Variants in RGSL1 observed in about 807,000 individuals in gnomAD.
The protein encoded by RGSL1 is regulator of G protein signaling like 1.
RGSL1 carries 97 observed loss-of-function variants against 124.7 expected under a neutral mutation model. That is an observed-to-expected ratio of 0.78 (90% confidence interval 0.66 to 0.92). The LOEUF (loss-of-function observed/expected upper bound fraction) is 0.92. Among genes scored for constraint, RGSL1 ranks in the 40% least tolerant of loss-of-function variants. RGSL1 has a pLI of 0.00. For missense variants in RGSL1, 1,233 were observed against 1,288.4 expected, an observed-to-expected ratio of 0.96 and a Z score of 0.66; for synonymous variants, 424 against 438.1, an observed-to-expected ratio of 0.97 and a Z score of 0.40.
chr1:182,484,428 G>A (rs1349240464), intron 6 of RGSL1, among the ~76,000 whole-genome samples: 2 of 152,152 alleles, frequency 1.3e-5, no homozygotes, highest in African/African-American at 4.8e-5. Context: ...AATCAAGCAT[G>A]AGAATATGTG....
Position 182,510,223 on chromosome 1 carries a change from C to A in RGSL1, c.1826-11781C>A, listed in dbSNP as rs1464549595. On this transcript the variant is annotated intron_variant, in intron 9 of 21. Coordinates refer to ENST00000294854, the MANE Select transcript of RGSL1 (RefSeq NM_001137669.2). Reference sequence around the variant, plus strand: ...GGCAGCCAGGCAGAGGGTCTCCTCACATCCCAGACGATGGGCGGCCAGGCA... The same window carrying A: ...GGCAGCCAGGCAGAGGGTCTCCTCAAATCCCAGACGATGGGCGGCCAGGCA... Among the ~76,000 whole-genome samples, 3 of 34,372 alleles carry A rather than the reference C, an allele frequency of 8.7e-5. 1 individual carries two copies. The highest frequency in any genetic ancestry group is 4.3e-4 in the African/African-American group (3 of 7,044). 22.5% of individuals were successfully genotyped at this position (34,372 alleles called of 152,430 possible).
At chr1:182,551,297 C>A in intron 18 of RGSL1, 88 bp downstream of exon 18, 2 of 1,067,074 alleles carry the variant, frequency 1.9e-6, no homozygotes, top group Non-Finnish European at 2.8e-6. Flanking sequence ...AAATTCAAGA[C>A]TTCCTTGAGG....
At chr1:182,496,800 T>C (rs956437218) in intron 9 of RGSL1, among the ~76,000 whole-genome samples, 1 of 152,216 alleles carries the variant, frequency 6.6e-6, no homozygotes, top group Non-Finnish European at 1.5e-5. Flanking sequence ...TGCTTCCTTC[T>C]TAGTAGTGAA....
Position 182,524,551 on chromosome 1 carries a change from G to A in RGSL1, c.1931+2442G>A, listed in dbSNP as rs560202954. The stretch of plus-strand genomic sequence containing the variant: ...GAATTTCAGAACTCTGTAAATTAAC[G>A]GAAGGCATTTAACAAATAAAAAATT... On this transcript the variant is annotated intron_variant, in intron 10 of 21. Transcript: ENST00000294854. Among the ~76,000 whole-genome samples the A allele has an allele frequency of 3.0e-4, 45 of 152,254 alleles. 1 individual carries two copies. The highest frequency in any genetic ancestry group is 6.8e-3 in the Middle Eastern group (2 of 294).
chr1:182,479,819 A>G (rs975591669), intron 6 of RGSL1, among the ~76,000 whole-genome samples: 1 of 152,236 alleles, frequency 6.6e-6, no homozygotes, highest in Non-Finnish European at 1.5e-5. Flanking sequence ...GTAACCCAAA[A>G]AAGCATATTT....
At chr1:182,504,654 T>G (rs1656679972) in intron 9 of RGSL1, among the ~76,000 whole-genome samples, 1 of 152,138 alleles carries the variant, frequency 6.6e-6, no homozygotes, top group Non-Finnish European at 1.5e-5. Context: ...GTGACTTTTC[T>G]CAACTATTTT....
At chr1:182,522,652 T>C (rs189552756) in intron 10 of RGSL1, among the ~76,000 whole-genome samples, 186 of 152,288 alleles carry the variant, frequency 1.2e-3, no homozygotes, top group Non-Finnish European at 2.2e-3. Context: ...TTTCTTTCCA[T>C]GTACCTTAGC....
At position 182,494,369 on chromosome 1, in the gene RGSL1, T is replaced by C. The variant is rs1453884235; in HGVS notation, c.1825+1240T>C. On this transcript the variant is annotated intron_variant, in intron 9 of 21. Coordinates refer to ENST00000294854, the MANE Select transcript of RGSL1 (RefSeq NM_001137669.2). ...TTCTGCCTCCAGGAACTAAGATCTC[T>C]AGACTGGCACTGTCCATTACAGGAG... is the stretch of plus-strand genomic sequence containing the variant. Among the ~76,000 whole-genome samples the C allele has an allele frequency of 2.6e-4, 39 of 152,338 alleles. 1 individual carries two copies. The highest frequency in any genetic ancestry group is 5.9e-5 in the Non-Finnish European group (4 of 68,022).
At chr1:182,501,302 CTTTTCTTTT>C (rs1656352999) in intron 9 of RGSL1, among the ~76,000 whole-genome samples, 1 of 54,240 alleles carries the variant, frequency 1.8e-5, no homozygotes, top group Admixed American at 2.1e-4. Context: ...TTTCTTTTTT[CTTTTCTTTT>C]TTTTTTTTTT....
chr1:182,486,697 C>T (rs140671754), intron 6 of RGSL1, among the ~76,000 whole-genome samples: 80 of 151,832 alleles, frequency 5.3e-4, no homozygotes, highest in African/African-American at 1.4e-3. Context: ...TTTTTTGAGA[C>T]GGCGTTTCAT....
intron 9 of RGSL1, among the ~76,000 whole-genome samples, chr1:182,511,797 C>T (rs945956348): frequency 3.3e-5 from 5 of 152,090 alleles, no homozygotes; most frequent in Admixed American, 2.0e-4. Context: ...ATTGGTGTTT[C>T]GATAGGATGA....
At chr1:182,450,101 A>G, upstream of RGSL1, 1 of 1,539,920 alleles carries the variant, frequency 6.5e-7, no homozygotes, top group East Asian at 2.4e-5. Context: ...CAATGGATAT[A>G]GTTCTATTGA....
At chr1:182,543,152 A>G (rs189988620) in intron 15 of RGSL1, among the ~76,000 whole-genome samples, 10 of 152,046 alleles carry the variant, frequency 6.6e-5, no homozygotes, top group African/African-American at 2.2e-4. Context: ...AAAACTTTCA[A>G]TTTTTCCCCA....
At position 182,474,149 on chromosome 1, in the gene RGSL1, C is replaced by A; in HGVS notation, c.1038C>A (p.Ile346=). ...TCTCTACCCACCTGAGGACTGTCAT[C>A]CCCATTGTCAATCACTCCTCCAAGA... ...TKVSTHLRTV[I]PIVNHSSKMT... The change falls in exon 6 of 22, where the codon ATC becomes ATA. Residue 346 remains isoleucine (I), a synonymous_variant. Transcript: ENST00000294854. 1 of 1,552,076 alleles carries A rather than the reference C, an allele frequency of 6.4e-7. No individual in the cohort carries two copies. The highest frequency in any genetic ancestry group is 1.2e-5 in the South Asian group (1 of 84,064).
intron 9 of RGSL1, among the ~76,000 whole-genome samples, chr1:182,500,934 C>A (rs969064855): frequency 2.6e-5 from 4 of 152,196 alleles, no homozygotes; most frequent in African/African-American, 9.6e-5. Flanking sequence ...CGTGTCACCT[C>A]TGAATAAAAT....
At chr1:182,542,026 G>A (rs148688232) in intron 15 of RGSL1, among the ~76,000 whole-genome samples, 154 of 152,204 alleles carry the variant, frequency 1.0e-3, no homozygotes, top group African/African-American at 3.5e-3. Flanking sequence ...CATTCTGAGG[G>A]TTGTCTCTTT....
intron 17 of RGSL1, 55 bp downstream of exon 17, chr1:182,548,879 G>A: frequency 6.5e-7 from 1 of 1,538,448 alleles, no homozygotes. Flanking sequence ...CACTTAGTTT[G>A]GAGAGAGTTT....
chr1:182,541,279 G>A (rs1318617051), intron 15 of RGSL1, among the ~76,000 whole-genome samples: 2 of 151,888 alleles, frequency 1.3e-5, no homozygotes, highest in African/African-American at 4.8e-5. Flanking sequence ...GTAACTACCT[G>A]AGATCCACTT....
At chr1:182,487,463 C>A (rs1459357805) in intron 6 of RGSL1, among the ~76,000 whole-genome samples, 3 of 152,198 alleles carry the variant, frequency 2.0e-5, no homozygotes, top group Non-Finnish European at 2.9e-5. Context: ...TCTTTCCTAT[C>A]CCGATGCCTT....
Sources: allele counts gnomAD v4.1 joint callset (sites outside exome capture counted in the v4.1 genomes callset), GRCh38; gene constraint gnomAD v4.1.1; transcripts MANE v1.5; gene names NCBI Gene and HGNC (gene_info 2026-07-23, HGNC 2026-07-21).